The following SIRT1 variants were observed in gnomAD, a reference collection of about 807,000 sequenced individuals.
The protein encoded by SIRT1 is sirtuin 1, also known as NAD-dependent protein deacetylase sirtuin-1.
Under a neutral mutation model 67.9 loss-of-function variants are expected in SIRT1, and 24 were observed. The ratio of observed to expected loss-of-function variants is 0.35; its 90% CI spans 0.26 to 0.50. The LOEUF (loss-of-function observed/expected upper bound fraction) is 0.50. SIRT1 is among the 20% of genes least tolerant of loss of function. The pLI is 0.98. For synonymous variants in SIRT1, 378 were observed against 350.7 expected (o/e 1.08, Z -0.87); for missense variants, 873 against 937.2 (o/e 0.93, Z 0.89).
intron 4 of SIRT1, among the ~76,000 whole-genome samples, chr10:67,900,025 A>G (rs953177073): frequency 1.3e-5 from 2 of 152,160 alleles, no homozygotes; most frequent in Non-Finnish European, 2.9e-5. Context: ...CGGAGATTGC[A>G]GTGAGCCAAT....
intron 1 of SIRT1, among the ~76,000 whole-genome samples, chr10:67,886,573 A>G (rs1842484695): frequency 6.6e-6 from 1 of 151,842 alleles, no homozygotes; most frequent in Admixed American, 6.6e-5. Flanking sequence ...AAAAAAAAAA[A>G]AAGTAATATG....
At chr10:67,893,594 G>A (rs1241427427) in intron 4 of SIRT1, among the ~76,000 whole-genome samples, 1 of 149,708 alleles carries the variant, frequency 6.7e-6, no homozygotes, top group African/African-American at 2.5e-5. Context: ...CCAGGCTGGA[G>A]TGTAGTGGTG....
intron 4 of SIRT1, among the ~76,000 whole-genome samples, chr10:67,899,597 A>G (rs149242554): frequency 7.4e-4 from 112 of 152,174 alleles, no homozygotes; most frequent in African/African-American, 2.6e-3. Flanking sequence ...CTTGTTTTCT[A>G]TCTTTTTTCA....
rs776212608 is a variant in SIRT1 at position 67,909,348 on chromosome 10, G to C, written c.1263G>C (p.Gln421His). 9 of 1,613,644 alleles carry C rather than the reference G, an allele frequency of 5.6e-6. No homozygotes were observed. In the South Asian group the frequency reaches 9.9e-5, roughly 18 times the overall value. ...IVFFGENLPE[Q>H]FHRAMKYDKD... is the part of the protein sequence containing the mutation. Reference sequence around the variant, plus strand: ...TTTTTGGTGAAAATTTACCAGAACAGTTTCATAGAGCCATGAAGTATGACA... The same window carrying C: ...TTTTTGGTGAAAATTTACCAGAACACTTTCATAGAGCCATGAAGTATGACA... The change falls in exon 7 of 9, where the codon CAG becomes CAC. Residue 421 changes from glutamine to histidine, a missense_variant. Physicochemically the swap from Gln to His is conservative, Grantham distance 24. Transcript: ENST00000212015.
intron 4 of SIRT1, among the ~76,000 whole-genome samples, chr10:67,904,338 T>C (rs1260329087): frequency 1.3e-5 from 2 of 149,932 alleles, no homozygotes; most frequent in Non-Finnish European, 3.0e-5. Flanking sequence ...GGTTTCTCCA[T>C]GTTGCCCAGG....
intron 6 of SIRT1, among the ~76,000 whole-genome samples, chr10:67,908,950 T>G (rs935696698): frequency 6.6e-6 from 1 of 152,182 alleles, no homozygotes; most frequent in African/African-American, 2.4e-5. Flanking sequence ...TATTTTTTTT[T>G]GAAAGGATCA....
intron 7 of SIRT1, 131 bp downstream of exon 7, chr10:67,909,573 T>G: frequency 2.7e-6 from 2 of 732,410 alleles, no homozygotes. Context: ...TTTTAGAAAT[T>G]GTTTGTTTGT....
rs536440127 is a variant in SIRT1 at position 67,894,599 on chromosome 10, CA to C, written c.942+3051del. ...AGTTACTTTGATCTTAAATCAACTACAAAAAACTTGACTCACTAGTTATGGA... is the reference window on the plus strand; with the variant it reads ...AGTTACTTTGATCTTAAATCAACTACAAAAACTTGACTCACTAGTTATGGA... On this transcript the variant is annotated intron_variant, in intron 4 of 8. Transcript: ENST00000212015. Among the ~76,000 whole-genome samples, 634 of 152,220 alleles carry C rather than the reference CA, an allele frequency of 4.2e-3. 6 individuals carry two copies. The highest frequency in any genetic ancestry group is 5.1e-3 in the Non-Finnish European group (348 of 68,038).
chr10:67,909,367 T>C lies in SIRT1; in HGVS notation c.1282T>C (p.Tyr428His). The change falls in exon 7 of 9, where the codon TAT (tyrosine) becomes CAT (histidine). Residue 428 changes from tyrosine to histidine, a missense_variant. Around this residue, in one of 3 missense-constraint regions of SIRT1, gnomAD observed 251 missense variants for 358.8 expected, o/e 0.70. Coordinates refer to ENST00000212015, the MANE Select transcript of SIRT1 (RefSeq NM_012238.5). ...AGAACAGTTTCATAGAGCCATGAAG[T>C]ATGACAAAGATGAAGTTGACCTCCT... Reference protein sequence around the residue: ...LPEQFHRAMKYDKDEVDLLIV... With the variant: ...LPEQFHRAMKHDKDEVDLLIV... The C allele has an allele frequency of 1.2e-6, 2 of 1,613,912 alleles. No individual in the cohort carries two copies. The highest frequency in any genetic ancestry group is 1.7e-6 in the Non-Finnish European group (2 of 1,179,966).
rs1476767773 is a variant in SIRT1, at chr10:67,916,472, T to C, written c.2123T>C (p.Val708Ala). The change falls in exon 9 of 9, where the codon GTT becomes GCT. Residue 708 changes from valine to alanine, a missense_variant. Physicochemically the swap from Val to Ala is moderately conservative, Grantham distance 64 (BLOSUM62 0). Around this residue, in one of 3 missense-constraint regions of SIRT1, gnomAD observed 295 missense variants for 294.5 expected, o/e 1.00. Transcript: ENST00000212015. ...FYNGLEDEPD[V>A]PERAGGAGFG... ...AATGGCTTAGAAGATGAGCCTGATG[T>C]TCCAGAGAGAGCTGGAGGAGCTGGA... The C allele has an allele frequency of 1.2e-6, 2 of 1,614,042 alleles. No homozygotes were observed. The highest frequency in any genetic ancestry group is 1.7e-6 in the Non-Finnish European group (2 of 1,180,032).
chr10:67,906,879 C>G lies in SIRT1; in HGVS notation c.1032C>G (p.Thr344=), dbSNP rs1364992419. The G allele has an allele frequency of 6.2e-7, 1 of 1,612,348 alleles. No homozygotes were observed. Among genetic ancestry groups the G allele is most frequent in the African/African-American group, 1.3e-5 (1 of 74,848 alleles). ...AAGGAAAACTACTTCGCAACTATAC[C>G]CAGAACATAGACACGCTGGAACAGG... The part of the protein sequence containing the change: ...DKEGKLLRNY[T]QNIDTLEQVA... The change falls in exon 5 of 9, where the codon ACC becomes ACG. Residue 344 remains threonine, a synonymous_variant. Coordinates refer to ENST00000212015, the MANE Select transcript of SIRT1 (RefSeq NM_012238.5).
At chr10:67,898,092 T>TCTA (rs1183137057) in intron 4 of SIRT1, among the ~76,000 whole-genome samples, 1 of 150,246 alleles carries the variant, frequency 6.7e-6, no homozygotes, top group African/African-American at 2.4e-5. Flanking sequence ...AAACCCTGTC[T>TCTA]CTACTAAAAA....
chr10:67,900,145 A>T (rs1019922072), intron 4 of SIRT1, among the ~76,000 whole-genome samples: 2 of 151,976 alleles, frequency 1.3e-5, no homozygotes, highest in African/African-American at 4.8e-5. Context: ...TTTATTTTTT[A>T]TTTATTTATT....
chr10:67,906,583 C>T (rs910193785), intron 4 of SIRT1, among the ~76,000 whole-genome samples: 1 of 152,040 alleles, frequency 6.6e-6, no homozygotes, highest in Non-Finnish European at 1.5e-5. Flanking sequence ...TTCAAGGGGC[C>T]AAGTTCACTA....
chr10:67,904,425 C>G (rs1842790681), intron 4 of SIRT1, among the ~76,000 whole-genome samples: 1 of 152,010 alleles, frequency 6.6e-6, no homozygotes, highest in Admixed American at 6.5e-5. Context: ...GTGTGAGCCA[C>G]CACACCTGTA....
intron 4 of SIRT1, among the ~76,000 whole-genome samples, chr10:67,897,826 C>A (rs1051031755): frequency 1.3e-5 from 2 of 151,150 alleles, no homozygotes; most frequent in East Asian, 3.9e-4. Flanking sequence ...TGCATAATGA[C>A]TTAAATTGAT....
intron 3 of SIRT1, 146 bp from the exon 4 acceptor site, chr10:67,891,256 G>A: frequency 4.8e-6 from 3 of 621,834 alleles, no homozygotes; most frequent in East Asian, 5.5e-5. Flanking sequence ...CTGAAATAAG[G>A]GTAGGGTTGT....
At chr10:67,889,486 T>A (rs1346997564) in intron 3 of SIRT1, among the ~76,000 whole-genome samples, 1 of 152,214 alleles carries the variant, frequency 6.6e-6, no homozygotes, top group South Asian at 2.1e-4. Flanking sequence ...TATGAGAAAC[T>A]GGAAACCTAA....
chr10:67,890,070 C>T (rs532528446), intron 3 of SIRT1, among the ~76,000 whole-genome samples: 4 of 151,636 alleles, frequency 2.6e-5, no homozygotes, highest in East Asian at 1.9e-4. Context: ...GTCTCAGCCT[C>T]TCCTGGCCTG....
Sources: allele counts gnomAD v4.1 joint callset (sites outside exome capture counted in the v4.1 genomes callset), GRCh38; gene constraint gnomAD v4.1.1; regional missense constraint gnomAD v4.1.1; transcripts MANE v1.5; gene names NCBI Gene and HGNC (gene_info 2026-07-23, HGNC 2026-07-21).